Variants in CPQ observed in about 807,000 individuals in gnomAD.
CPQ encodes the protein carboxypeptidase Q.
CPQ carries 37 observed loss-of-function variants against 45.7 expected under a neutral mutation model. That is an observed-to-expected ratio of 0.81 (90% CI 0.62 to 1.07). The LOEUF (loss-of-function observed/expected upper bound fraction) is 1.07. Ranked by LOEUF, CPQ falls within the 50% of genes least tolerant of loss-of-function variation. The pLI, the probability that CPQ is intolerant of heterozygous loss-of-function variation, is 0.00. For missense variants in CPQ, 537 were observed against 572.9 expected, an observed-to-expected ratio of 0.94 and a Z score of 0.64; for synonymous variants, 186 against 205.8, an observed-to-expected ratio of 0.90 and a Z score of 0.82.
intron 5 of CPQ, among the ~76,000 whole-genome samples, chr8:96,969,011 A>T (rs1182238381): frequency 6.6e-6 from 1 of 152,238 alleles, no homozygotes; most frequent in Non-Finnish European, 1.5e-5. Context: ...TCAGTGGACA[A>T]AGCCTATGGC....
intron 1 of CPQ, among the ~76,000 whole-genome samples, chr8:96,695,210 A>G (rs1448823215): frequency 6.7e-6 from 1 of 150,152 alleles, no homozygotes; most frequent in African/African-American, 2.5e-5. Context: ...TATTTAATAT[A>G]TGGTGCTGGG....
chr8:96,820,598 A>G (rs1236488948), intron 2 of CPQ, among the ~76,000 whole-genome samples: 1 of 152,042 alleles, frequency 6.6e-6, no homozygotes, highest in Non-Finnish European at 1.5e-5. Context: ...TTCACTTAAC[A>G]TAATGGTCTT....
chr8:97,017,518 C>A (rs114391926), intron 5 of CPQ, among the ~76,000 whole-genome samples: 2,126 of 152,308 alleles, frequency 0.014, 26 homozygotes, highest in Non-Finnish European at 0.021. Context: ...GGGGCAAGTT[C>A]TCAGCCCTGC....
At chr8:96,788,223 A>G (rs1268976901) in intron 2 of CPQ, among the ~76,000 whole-genome samples, 1 of 151,368 alleles carries the variant, frequency 6.6e-6, no homozygotes, top group East Asian at 1.9e-4. Flanking sequence ...CAATGGCACA[A>G]TCTCAGCTCA....
At chr8:97,081,274 A>G (rs1810945834) in intron 7 of CPQ, among the ~76,000 whole-genome samples, 1 of 152,138 alleles carries the variant, frequency 6.6e-6, no homozygotes, top group African/African-American at 2.4e-5. Context: ...TTCCAGACTC[A>G]CTACTCCTCA....
chr8:96,673,711 A>G (rs1033407361), intron 1 of CPQ, among the ~76,000 whole-genome samples: 2 of 152,296 alleles, frequency 1.3e-5, no homozygotes, highest in South Asian at 2.1e-4. Context: ...TGGGACATCC[A>G]TAAGACTTCA....
intron 7 of CPQ, among the ~76,000 whole-genome samples, chr8:97,134,674 T>G (rs1461562865): frequency 6.6e-6 from 1 of 152,176 alleles, no homozygotes; most frequent in Admixed American, 6.5e-5. Context: ...AAAAGGCACA[T>G]TTTTTCCCGA....
chr8:96,691,806 G>A (rs1273928687), intron 1 of CPQ, among the ~76,000 whole-genome samples: 1 of 152,180 alleles, frequency 6.6e-6, no homozygotes, highest in African/African-American at 2.4e-5. Context: ...GCTGGTATGA[G>A]AAGTGGCTTT....
intron 4 of CPQ, among the ~76,000 whole-genome samples, chr8:96,919,143 T>G (rs1812773640): frequency 6.6e-6 from 1 of 152,022 alleles, no homozygotes; most frequent in African/African-American, 2.4e-5. Context: ...TTTTTTGTGC[T>G]GTTGGTTGTT....
intron 7 of CPQ, among the ~76,000 whole-genome samples, chr8:97,073,565 T>C (rs2513351): frequency 0.77 from 117,596 of 152,142 alleles, 45,563 homozygotes; most frequent in African/African-American, 0.79. Context: ...GTGGCTGTAA[T>C]CCTCAAGCCC....
chr8:97,120,566 T>C (rs1186120110), intron 7 of CPQ, among the ~76,000 whole-genome samples: 1 of 152,232 alleles, frequency 6.6e-6, no homozygotes, highest in Non-Finnish European at 1.5e-5. Flanking sequence ...TAAAATCTCA[T>C]TGTTAGAAAT....
At chr8:97,081,508 A>C (rs1001731431) in intron 7 of CPQ, among the ~76,000 whole-genome samples, 1 of 151,992 alleles carries the variant, frequency 6.6e-6, no homozygotes, top group African/African-American at 2.4e-5. Context: ...CTGGGGCCCC[A>C]CTCCCAGAGA....
intron 5 of CPQ, among the ~76,000 whole-genome samples, chr8:97,024,484 G>T (rs1809763493): frequency 6.6e-6 from 1 of 151,948 alleles, no homozygotes; most frequent in African/African-American, 2.4e-5. Context: ...AGACACCAAG[G>T]GATTCTTCCA....
intron 1 of CPQ, among the ~76,000 whole-genome samples, chr8:96,694,737 A>G (rs1300598235): frequency 3.9e-5 from 6 of 152,144 alleles, no homozygotes; most frequent in African/African-American, 1.4e-4. Flanking sequence ...TGGAAACACA[A>G]CATACCAAAA....
chr8:96,715,574 G>C (rs1809662709), intron 1 of CPQ, among the ~76,000 whole-genome samples: 1 of 152,274 alleles, frequency 6.6e-6, no homozygotes, highest in Middle Eastern at 3.4e-3. Context: ...TGGTGGATGA[G>C]GGGGAGAAGA....
At chr8:96,963,628 T>C (rs1249704875) in intron 4 of CPQ, among the ~76,000 whole-genome samples, 3 of 152,230 alleles carry the variant, frequency 2.0e-5, no homozygotes, top group African/African-American at 7.2e-5. Flanking sequence ...AACTTTGGTT[T>C]ACTTAGTACA....
chr8:96,713,195 T>A (rs539860492), intron 1 of CPQ, among the ~76,000 whole-genome samples: 11 of 152,312 alleles, frequency 7.2e-5, no homozygotes, highest in African/African-American at 2.6e-4. Flanking sequence ...CTTCTCCACA[T>A]CTTCCTGTCT....
intron 7 of CPQ, among the ~76,000 whole-genome samples, chr8:97,069,631 G>A (rs536907346): frequency 1.3e-5 from 2 of 152,198 alleles, no homozygotes; most frequent in South Asian, 4.1e-4. Context: ...TTAAAGCTAA[G>A]GGTAGGATTC....
intron 1 of CPQ, among the ~76,000 whole-genome samples, chr8:96,649,349 A>G (rs112018987): frequency 7.9e-5 from 12 of 152,354 alleles, no homozygotes; most frequent in African/African-American, 2.9e-4. Context: ...AAATAGCTAC[A>G]GTAATAATGT....
Sources: gnomAD v4.1 joint callset for allele counts (sites outside exome capture counted in the v4.1 genomes callset) on GRCh38, gnomAD v4.1.1 for gene constraint, MANE v1.5 for transcripts, NCBI Gene and HGNC (gene_info 2026-07-23, HGNC 2026-07-21) for gene names.